EPHA5: variants seen among roughly 807,000 people sequenced by gnomAD.
EPHA5 encodes ephrin type-A receptor 5.
In EPHA5, 60 loss-of-function variants were observed where a neutral mutation model predicts 105.0. The observed-to-expected ratio is 0.57, with a 90% confidence interval of 0.46 to 0.71. EPHA5 has a LOEUF of 0.71. Ranked by LOEUF, EPHA5 falls within the 30% of genes least tolerant of loss-of-function variation. EPHA5 has a pLI of 0.00. For synonymous variants in EPHA5, 513 were observed against 449.1 expected, an observed-to-expected ratio of 1.14 and a Z score of -1.80; for missense variants, 1,218 against 1,274.7, an observed-to-expected ratio of 0.96 and a Z score of 0.68.
At chr4:65,530,840 A>G (rs1299861457) in intron 3 of EPHA5, among the ~76,000 whole-genome samples, 3 of 152,074 alleles carry the variant, frequency 2.0e-5, no homozygotes, top group Non-Finnish European at 4.4e-5. Flanking sequence ...GAATCTCTAT[A>G]TTGGATGTAA....
intron 3 of EPHA5, among the ~76,000 whole-genome samples, chr4:65,510,706 G>C (rs1438025057): frequency 1.3e-5 from 2 of 152,168 alleles, no homozygotes; most frequent in Non-Finnish European, 2.9e-5. Flanking sequence ...TTGAGTTTTA[G>C]CTGCCTTGGT....
At chr4:65,516,533 G>A (rs941668975) in intron 3 of EPHA5, among the ~76,000 whole-genome samples, 1 of 151,888 alleles carries the variant, frequency 6.6e-6, no homozygotes, top group Admixed American at 6.6e-5. Flanking sequence ...TTGTCCAAGG[G>A]TCAACTCTGT....
At chr4:65,604,861 A>G (rs1002153589) in intron 2 of EPHA5, among the ~76,000 whole-genome samples, 1 of 152,188 alleles carries the variant, frequency 6.6e-6, no homozygotes, top group Non-Finnish European at 1.5e-5. Flanking sequence ...AAAGGCACAG[A>G]TAGGAATCAA....
intron 3 of EPHA5, among the ~76,000 whole-genome samples, chr4:65,574,613 C>CATAT (rs1292335692): frequency 6.5e-5 from 7 of 108,312 alleles, no homozygotes; most frequent in Admixed American, 2.7e-4. Context: ...TATATATATA[C>CATAT]ATATATATAT....
At chr4:65,642,532 C>T (rs910213232) in intron 2 of EPHA5, among the ~76,000 whole-genome samples, 2 of 151,658 alleles carry the variant, frequency 1.3e-5, no homozygotes, top group Admixed American at 1.3e-4. Flanking sequence ...TAACTTTTAA[C>T]AACTAAAAAG....
intron 11 of EPHA5, among the ~76,000 whole-genome samples, chr4:65,360,628 C>A (rs935314123): frequency 2.0e-5 from 3 of 151,434 alleles, no homozygotes; most frequent in African/African-American, 4.8e-5. Context: ...TTACTAAATT[C>A]TTAATGCAAT....
At chr4:65,360,634 G>A (rs1422518728) in intron 11 of EPHA5, among the ~76,000 whole-genome samples, 1 of 151,474 alleles carries the variant, frequency 6.6e-6, no homozygotes, top group Non-Finnish European at 1.5e-5. Context: ...AATTCTTAAT[G>A]CAATGTTAAT....
intron 3 of EPHA5, 146 bp from the exon 4 acceptor site, chr4:65,495,689 G>A: frequency 3.4e-6 from 2 of 588,460 alleles, no homozygotes; most frequent in Admixed American, 3.6e-5. Flanking sequence ...ATAAGCTTCT[G>A]GATCATAAAT....
Position 65,449,053 on chromosome 4 carries a change from G to A in EPHA5, c.1403-28488C>T, listed in dbSNP as rs535935590. Among the ~76,000 whole-genome samples, 13 of 151,834 alleles carry A rather than the reference G, an allele frequency of 8.6e-5. 1 individual carries two copies. The South Asian group carries it at 2.3e-3, about 27-fold the overall frequency. On this transcript the variant is annotated intron_variant, in intron 5 of 16. Transcript: ENST00000613740. ...TATACTTGTCAAAGTAAGAAATAAC[G>A]TAACAAAAATGTATTTAAAAACTAC...
At chr4:65,401,767 C>T (rs1318873952) in intron 8 of EPHA5, among the ~76,000 whole-genome samples, 1 of 152,002 alleles carries the variant, frequency 6.6e-6, no homozygotes, top group East Asian at 1.9e-4. Flanking sequence ...TTTTACCAAG[C>T]TTTGGATTTG....
chr4:65,591,098 TTTA>T (rs1742598080), intron 3 of EPHA5, among the ~76,000 whole-genome samples: 1 of 152,094 alleles, frequency 6.6e-6, no homozygotes, highest in Non-Finnish European at 1.5e-5. Flanking sequence ...ATGTTAAATT[TTTA>T]TTAAGGTGAT....
intron 12 of EPHA5, 98 bp downstream of exon 12, chr4:65,352,944 G>T (rs559474332): frequency 2.3e-5 from 16 of 689,088 alleles, no homozygotes; most frequent in Non-Finnish European, 3.5e-5. Context: ...CTTTAAAGTG[G>T]CCCAAATTCA....
chr4:65,327,841 T>A (rs377383300), intron 16 of EPHA5, among the ~76,000 whole-genome samples: 1 of 151,206 alleles, frequency 6.6e-6, no homozygotes, highest in Non-Finnish European at 1.5e-5. Context: ...TTCTTCTAAG[T>A]AGTTTAGTCT....
chr4:65,417,724 C>A (rs978928954), intron 6 of EPHA5, among the ~76,000 whole-genome samples: 3 of 150,908 alleles, frequency 2.0e-5, no homozygotes, highest in Non-Finnish European at 4.4e-5. Context: ...AAATGTAACT[C>A]AAAAAAAATT....
chr4:65,664,847 C>T (rs1261227363), intron 1 of EPHA5, among the ~76,000 whole-genome samples: 3 of 151,838 alleles, frequency 2.0e-5, no homozygotes, highest in Non-Finnish European at 4.4e-5. Flanking sequence ...ATACTACGAT[C>T]AATTTTTACT....
intron 5 of EPHA5, among the ~76,000 whole-genome samples, chr4:65,427,174 T>C (rs1381107295): frequency 7.1e-6 from 1 of 141,052 alleles, no homozygotes; most frequent in African/African-American, 2.6e-5. Context: ...ATTATAAAAC[T>C]CGAGTGTATT....
At chr4:65,583,553 T>C (rs1741844617) in intron 3 of EPHA5, among the ~76,000 whole-genome samples, 5 of 151,688 alleles carry the variant, frequency 3.3e-5, no homozygotes, top group Admixed American at 3.3e-4. Context: ...AAACAACAAT[T>C]TGTAGTTGAT....
chr4:65,627,280 G>T (rs935048404), intron 2 of EPHA5, among the ~76,000 whole-genome samples: 3 of 152,128 alleles, frequency 2.0e-5, no homozygotes, highest in Non-Finnish European at 4.4e-5. Context: ...ATGTTCCTAA[G>T]TATACTGGGT....
intron 5 of EPHA5, among the ~76,000 whole-genome samples, chr4:65,428,161 G>A (rs985123448): frequency 2.0e-5 from 3 of 151,946 alleles, no homozygotes; most frequent in African/African-American, 4.8e-5. Flanking sequence ...AAGAAAATGA[G>A]TAACTAAATT....
Sources: allele counts gnomAD v4.1 joint callset (sites outside exome capture counted in the v4.1 genomes callset), GRCh38; gene constraint gnomAD v4.1.1; transcripts MANE v1.5; gene names NCBI Gene and HGNC (gene_info 2026-07-23, HGNC 2026-07-21).